The following SLC2A13 variants were observed in gnomAD, a reference collection of about 807,000 sequenced individuals.
SLC2A13 encodes proton myo-inositol cotransporter.
In SLC2A13, 32 loss-of-function variants were observed where a neutral mutation model predicts 64.4. That is an observed-to-expected ratio of 0.50 (90% confidence interval 0.37 to 0.67). The LOEUF (loss-of-function observed/expected upper bound fraction) is 0.67, where lower values mean the gene tolerates loss of function less well. SLC2A13 is among the 30% of genes least tolerant of loss of function. The pLI, the probability that SLC2A13 is intolerant of heterozygous loss-of-function variation, is 0.00. For missense variants in SLC2A13, 743 were observed against 829.2 expected (o/e 0.90, Z 1.28); for synonymous variants, 338 against 327.1 (o/e 1.03, Z -0.36).
chr12:39,952,149 G>A (rs905096119), intron 3 of SLC2A13, among the ~76,000 whole-genome samples: 8 of 152,114 alleles, frequency 5.3e-5, no homozygotes, highest in Non-Finnish European at 1.0e-4. Context: ...TCCTTAAGTA[G>A]GTTGACTAAC....
At chr12:39,918,191 C>T (rs926123164) in intron 4 of SLC2A13, among the ~76,000 whole-genome samples, 1 of 152,074 alleles carries the variant, frequency 6.6e-6, no homozygotes, top group African/African-American at 2.4e-5. Context: ...GGGATGTTCA[C>T]ACAGTCTGTA....
chr12:40,079,092 A>G (rs1938293300), intron 1 of SLC2A13, among the ~76,000 whole-genome samples: 1 of 152,140 alleles, frequency 6.6e-6, no homozygotes, highest in Non-Finnish European at 1.5e-5. Flanking sequence ...GGTTTCATCA[A>G]TCTTTTATAT....
At chr12:39,985,518 A>C (rs1174642710) in intron 3 of SLC2A13, among the ~76,000 whole-genome samples, 1 of 152,272 alleles carries the variant, frequency 6.6e-6, no homozygotes, top group South Asian at 2.1e-4. Flanking sequence ...TGAAAGGTAT[A>C]AAAGTGTTCC....
chr12:40,035,564 T>G (rs963316462), intron 2 of SLC2A13, among the ~76,000 whole-genome samples: 3 of 152,156 alleles, frequency 2.0e-5, no homozygotes, highest in African/African-American at 7.2e-5. Context: ...CATAAGACCA[T>G]GGCTGAAGGT....
At position 39,757,259 on chromosome 12, in the gene SLC2A13, G is replaced by T. The variant is rs1420901389; in HGVS notation, c.*2767C>A. 1 of 151,784 alleles carries T rather than the reference G, an allele frequency of 6.6e-6. No individual in the cohort carries two copies. Among genetic ancestry groups the T allele is most frequent in the Non-Finnish European group, 1.5e-5 (1 of 67,708 alleles). The allele number at this position is 151,784 out of a possible 1,614,324, so 9.4% of individuals were successfully genotyped here. On this transcript the variant is annotated 3_prime_UTR_variant, in exon 10 of 10. Coordinates refer to ENST00000280871, the MANE Select transcript of SLC2A13 (RefSeq NM_052885.4). ...AAATCTGCAGCATGTTTCAAAGGAA[G>T]TCTGTAATTTTGGTTGAAAGCATGA...
chr12:39,896,425 T>C (rs1174235898), intron 4 of SLC2A13, among the ~76,000 whole-genome samples: 3 of 144,458 alleles, frequency 2.1e-5, no homozygotes, highest in Non-Finnish European at 4.5e-5. Context: ...TGTATATGTG[T>C]ATATATGTAT....
At chr12:39,991,450 A>G (rs1947137153) in intron 3 of SLC2A13, among the ~76,000 whole-genome samples, 1 of 152,154 alleles carries the variant, frequency 6.6e-6, no homozygotes, top group Non-Finnish European at 1.5e-5. Flanking sequence ...GCAGATTAGC[A>G]AGGACGCCTC....
At chr12:39,952,691 A>C (rs1946251166) in intron 3 of SLC2A13, among the ~76,000 whole-genome samples, 1 of 152,206 alleles carries the variant, frequency 6.6e-6, no homozygotes, top group African/African-American at 2.4e-5. Context: ...TTCAAAGCTA[A>C]ATGTAGTGAC....
intron 1 of SLC2A13, among the ~76,000 whole-genome samples, chr12:40,101,177 A>G (rs945700455): frequency 6.6e-6 from 1 of 151,992 alleles, no homozygotes; most frequent in Non-Finnish European, 1.5e-5. Flanking sequence ...ACTCTGGTGA[A>G]CCAATAAAAA....
chr12:39,799,452 C>G (rs894084706), intron 7 of SLC2A13, among the ~76,000 whole-genome samples: 2 of 63,466 alleles, frequency 3.2e-5, no homozygotes, highest in Non-Finnish European at 9.0e-5. Context: ...CTCTACACGG[C>G]GCACTTTTAC....
chr12:39,866,566 C>T (rs544967391), intron 5 of SLC2A13, among the ~76,000 whole-genome samples: 3 of 152,136 alleles, frequency 2.0e-5, no homozygotes, highest in South Asian at 2.1e-4. Flanking sequence ...GCAGGCTCCG[C>T]CCCCCGGGGT....
At chr12:39,865,853 AC>A (rs1592220594) in intron 5 of SLC2A13, among the ~76,000 whole-genome samples, 1 of 152,328 alleles carries the variant, frequency 6.6e-6, no homozygotes, top group Admixed American at 6.5e-5. Context: ...AATGAAGGGA[AC>A]AACAGACACC....
At chr12:40,075,636 T>C (rs1218536128) in intron 1 of SLC2A13, among the ~76,000 whole-genome samples, 2 of 152,216 alleles carry the variant, frequency 1.3e-5, no homozygotes, top group Admixed American at 6.6e-5. Flanking sequence ...TAAGTTTATG[T>C]CTTTCACCAA....
intron 6 of SLC2A13, among the ~76,000 whole-genome samples, chr12:39,847,282 C>A (rs1051491166): frequency 1.1e-5 from 1 of 93,754 alleles, no homozygotes; most frequent in Non-Finnish European, 2.2e-5. Flanking sequence ...GTGGCCTATC[C>A]CTACATTCAT....
rs554389414 is a variant in SLC2A13, at chr12:39,893,795, A to G, written c.1035-21834T>C. On this transcript the variant is annotated intron_variant, in intron 4 of 9. Transcript: ENST00000280871. Reference sequence around the variant, plus strand: ...ATTGAAAAGAAATACATTTTCTGCAATTTACTTTAAGCCCACAAAATAATA... The same window carrying G: ...ATTGAAAAGAAATACATTTTCTGCAGTTTACTTTAAGCCCACAAAATAATA... Among the ~76,000 whole-genome samples, 6 of 152,350 alleles carry G rather than the reference A, an allele frequency of 3.9e-5. 1 individual carries two copies. In the South Asian group the frequency reaches 1.2e-3, roughly 32 times the overall value.
rs201509878 is a variant in SLC2A13, at chr12:39,899,194, C to A, written c.1035-27233G>T. On this transcript the variant is annotated intron_variant, in intron 4 of 9. Transcript: ENST00000280871. ...GGTCTATTCAGAGATTGAACTTCTT[C>A]CTGGTTTAGTCTTGGGAGGGTGTAT... 1.3e-3 allele frequency among the ~76,000 whole-genome samples: 199 copies of A among 151,950 alleles called. 1 individual carries two copies. The East Asian group carries it at 0.017, about 13-fold the overall frequency.
intron 1 of SLC2A13, among the ~76,000 whole-genome samples, chr12:40,103,864 T>G (rs943454788): frequency 6.6e-6 from 1 of 152,236 alleles, no homozygotes; most frequent in African/African-American, 2.4e-5. Flanking sequence ...CTGGATTTTT[T>G]GGTCACTTTG....
Position 39,755,320 on chromosome 12 carries a change from T to TA in SLC2A13, c.*4705_*4706insT. The TA allele has an allele frequency of 6.6e-6, 1 of 152,188 alleles. No homozygotes were observed. The highest frequency in any genetic ancestry group is 3.4e-3 in the Middle Eastern group (1 of 294). 9.4% of individuals were successfully genotyped at this position (152,188 alleles called of 1,614,324 possible). The stretch of plus-strand genomic sequence containing the variant: ...TGAATTTGCCAAGACATCTGAAGTA[T>TA]TAAATACTATATAACATGCACTCAG... On this transcript the variant is annotated 3_prime_UTR_variant, in exon 10 of 10. Coordinates refer to ENST00000280871, the MANE Select transcript of SLC2A13 (RefSeq NM_052885.4).
At chr12:39,808,415 G>A (rs1313599196) in intron 7 of SLC2A13, among the ~76,000 whole-genome samples, 1 of 152,068 alleles carries the variant, frequency 6.6e-6, no homozygotes, top group African/African-American at 2.4e-5. Flanking sequence ...AAACGACTGT[G>A]TAGAAACATT....
Sources: allele counts gnomAD v4.1 joint callset (sites outside exome capture counted in the v4.1 genomes callset), GRCh38; gene constraint gnomAD v4.1.1; transcripts MANE v1.5; gene names NCBI Gene and HGNC (gene_info 2026-07-23, HGNC 2026-07-21).